IGSF9B: variants seen among roughly 807,000 people sequenced by gnomAD.
IGSF9B encodes the protein protein turtle homolog B.
Under a neutral mutation model 143.7 loss-of-function variants are expected in IGSF9B, and 48 were observed. The observed-to-expected ratio is 0.33, with a 90% CI of 0.26 to 0.42. IGSF9B has a LOEUF of 0.42. Ranked by LOEUF, IGSF9B falls within the 20% of genes least tolerant of loss-of-function variation. The pLI, the probability that IGSF9B is intolerant of heterozygous loss-of-function variation, is 1.00. For synonymous variants in IGSF9B, 903 were observed against 833.1 expected (o/e 1.08, Z -1.44); for missense variants, 1,706 against 1,980.0 (o/e 0.86, Z 2.63).
At chr11:133,922,324 G>T in intron 16 of IGSF9B, 102 bp from the exon 17 acceptor site, 1 of 1,167,654 alleles carries the variant, frequency 8.6e-7, no homozygotes, top group Non-Finnish European at 1.3e-6. Flanking sequence ...ACCGCACAGG[G>T]AAGGAGCTGC....
rs1939492267 is a variant in IGSF9B, at chr11:133,920,163, C to T, written c.3562G>A (p.Glu1188Lys). The T allele has an allele frequency of 6.6e-7, 1 of 1,508,334 alleles. No homozygotes were observed. Among genetic ancestry groups the T allele is most frequent in the Non-Finnish European group, 8.9e-7 (1 of 1,128,334 alleles). The allele number at this position is 1,508,334 out of a possible 1,614,324, so 93.4% of individuals were successfully genotyped here. A position where few individuals can be genotyped will look rare whatever the true frequency, so the allele number is the denominator to read the frequency against. ...AGCACCACTTGATGTAAACTGGGCT[C>T]GGCGCGCCTGGCCTGCCGAGGGCTA... is the stretch of plus-strand genomic sequence containing the variant. ...RPSPRQARRA[E>K]PSLHQVVLQP... The change falls in exon 18 of 20, where the codon GAG (glutamate) becomes AAG (lysine). Residue 1188 changes from glutamate (E) to lysine (K), a missense_variant. Coordinates refer to ENST00000533871, the MANE Select transcript of IGSF9B (RefSeq NM_001277285.4).
At chr11:133,915,837 C>T (rs1386362120) in intron 18 of IGSF9B, among the ~76,000 whole-genome samples, 1 of 152,206 alleles carries the variant, frequency 6.6e-6, no homozygotes, top group East Asian at 1.9e-4. Flanking sequence ...GAGCAAACAC[C>T]ACCTGCCTGA....
chr11:133,929,660 G>A lies in IGSF9B; in HGVS notation c.1631+11C>T. The A allele has an allele frequency of 6.3e-7, 1 of 1,579,556 alleles. No individual in the cohort carries two copies. Among genetic ancestry groups the A allele is most frequent in the Non-Finnish European group, 8.7e-7 (1 of 1,148,494 alleles). On this transcript the variant is annotated intron_variant, in intron 12 of 19. Transcript: ENST00000533871. ...GCAAAGCATGCCGGGGTGACTCACA[G>A]AGGTCCGTACCAAACTGAGAATGTC...
chr11:133,955,151 C>G (rs1261100572), intron 1 of IGSF9B, among the ~76,000 whole-genome samples: 1 of 152,032 alleles, frequency 6.6e-6, no homozygotes. Flanking sequence ...GAGGAGGATG[C>G]GGGCATTGGA....
At chr11:133,930,804 G>C (rs575143981) in intron 11 of IGSF9B, among the ~76,000 whole-genome samples, 180 bp downstream of exon 11, 1 of 151,906 alleles carries the variant, frequency 6.6e-6, no homozygotes, top group Non-Finnish European at 1.5e-5. Flanking sequence ...GCCCTTCCCC[G>C]ACAGAGCCCA....
chr11:133,925,885 C>G lies in IGSF9B; in HGVS notation c.1888G>C (p.Val630Leu), dbSNP rs1220406014. Residue 630 changes from valine (V) to leucine (L), a missense_variant, in exon 14 of 20, where the codon GTG becomes CTG. By Grantham distance (32) the Val-to-Leu change is conservative. Coordinates refer to ENST00000533871, the MANE Select transcript of IGSF9B (RefSeq NM_001277285.4). ...CLIANRTQQG[V>L]LLSWLPPANH... Reference sequence around the variant, plus strand: ...GCAGGCGGAAGCCAGGACAGGAGCACACCCTGCTGAGTCCGATTGGCTATG... The same window carrying G: ...GCAGGCGGAAGCCAGGACAGGAGCAGACCCTGCTGAGTCCGATTGGCTATG... The G allele has an allele frequency of 2.5e-6, 4 of 1,612,920 alleles. No homozygotes were observed. The highest frequency in any genetic ancestry group is 3.4e-6 in the Non-Finnish European group (4 of 1,179,532).
Position 133,919,780 on chromosome 11 carries a change from G to C in IGSF9B, c.3945C>G (p.Leu1315=), listed in dbSNP as rs114024983. The part of the protein sequence containing the change: ...PSPRRTGEEL[L]RPETPPPTLP... ...ACGTGGGTGGTGGGGTCTCCGGTCG[G>C]AGCAATTCCTCCCCCGTCCTTCGAG... is the stretch of plus-strand genomic sequence containing the variant. Residue 1315 remains leucine, a synonymous_variant, in exon 18 of 20, where the codon CTC becomes CTG. Coordinates refer to ENST00000533871, the MANE Select transcript of IGSF9B (RefSeq NM_001277285.4). 1.6e-3 allele frequency: 2,318 copies of C among 1,494,276 alleles called. 24 individuals carry two copies. In the African/African-American group the frequency reaches 0.029, roughly 19 times the overall value. The allele number at this position is 1,494,276 out of a possible 1,614,324, so 92.6% of individuals were successfully genotyped here. A position where few individuals can be genotyped will look rare whatever the true frequency, so the allele number is the denominator to read the frequency against.
At position 133,918,591 on chromosome 11, in the gene IGSF9B, G is replaced by C. The variant is rs560459885; in HGVS notation, c.3983+1151C>G. Among the ~76,000 whole-genome samples the C allele has an allele frequency of 4.1e-3, 621 of 152,156 alleles. 5 individuals carry two copies. The highest frequency in any genetic ancestry group is 6.8e-3 in the Non-Finnish European group (461 of 67,992). On this transcript the variant is annotated intron_variant, in intron 18 of 19. Coordinates refer to ENST00000533871, the MANE Select transcript of IGSF9B (RefSeq NM_001277285.4). The stretch of plus-strand genomic sequence containing the variant: ...AGCCCCGCACCCCCTTCCTCGGCCG[G>C]CCCCGGAGCAGCCCGCGGTGGGGCT...
In IGSF9B at chr11:133,908,037, G is replaced by A. The variant is rs529797039; in HGVS notation, c.*1032C>T. Among the ~76,000 whole-genome samples the A allele has an allele frequency of 1.8e-4, 27 of 152,240 alleles. No homozygotes were observed. The highest frequency in any genetic ancestry group is 2.8e-4 in the Non-Finnish European group (19 of 68,044). ...ACAGCACTGCACAGAGTGCTGAGCC[G>A]GGGACGGTATAAATAGAGCCGGCAG... On this transcript the variant is annotated 3_prime_UTR_variant, in exon 20 of 20. Transcript: ENST00000533871.
rs1447876599 is a variant in IGSF9B at position 133,909,164 on chromosome 11, G to T, written c.4219C>A (p.Leu1407Ile). 3.3e-6 allele frequency: 5 copies of T among 1,535,954 alleles called. No homozygotes were observed. The highest frequency in any genetic ancestry group is 4.4e-6 in the Non-Finnish European group (5 of 1,146,752). The change falls in exon 20 of 20, where the codon CTC becomes ATC. Residue 1407 changes from leucine to isoleucine, a missense_variant. Around this residue, in one of 7 missense-constraint regions of IGSF9B, gnomAD observed 880 missense variants for 762.9 expected, o/e 1.15. Transcript: ENST00000533871. This position sits in a 1 kb window ranked among gnomAD's most constrained non-coding sequence, Gnocchi z 4.2. Reference protein sequence around the residue: ...RHSRPDPFARLSDLCHRQLPE... With the variant: ...RHSRPDPFARISDLCHRQLPE... Reference sequence around the variant, plus strand: ...AGCTGGCGGTGGCACAAGTCTGAGAGCCGGGCAAAGGGGTCAGGACGAGAA... The same window carrying T: ...AGCTGGCGGTGGCACAAGTCTGAGATCCGGGCAAAGGGGTCAGGACGAGAA...
In IGSF9B at chr11:133,928,831, A is replaced by C. The variant is rs961165168; in HGVS notation, c.1631+840T>G. ...TTGCGCAAAGACCTCATATGACTGC[A>C]TCTGGCTAAACTGACAACAGAGGAA... On this transcript the variant is annotated intron_variant, in intron 12 of 19. Coordinates refer to ENST00000533871, the MANE Select transcript of IGSF9B (RefSeq NM_001277285.4). The surrounding 1 kb of genome is among the most constrained non-coding windows in gnomAD (Gnocchi z 4.7). Among the ~76,000 whole-genome samples the C allele has an allele frequency of 6.6e-6, 1 of 152,222 alleles. No homozygotes were observed. The highest frequency in any genetic ancestry group is 6.5e-5 in the Admixed American group (1 of 15,290).
At chr11:133,922,838 G>T in intron 15 of IGSF9B, 108 bp from the exon 16 acceptor site, 1 of 1,090,646 alleles carries the variant, frequency 9.2e-7, no homozygotes, top group Non-Finnish European at 1.3e-6. Context: ...AACAGACAGT[G>T]TCAAGGCTCG....
chr11:133,935,289 G>C (rs1939802314), intron 7 of IGSF9B, among the ~76,000 whole-genome samples: 1 of 152,252 alleles, frequency 6.6e-6, no homozygotes, highest in African/African-American at 2.4e-5. Context: ...CTGATTCTGG[G>C]CACAGAGGTG....
intron 3 of IGSF9B, among the ~76,000 whole-genome samples, chr11:133,940,374 ACGTCCTCGCATG>A (rs1939923351): frequency 7.9e-6 from 1 of 126,706 alleles, no homozygotes; most frequent in East Asian, 2.8e-4. Flanking sequence ...CACACCTCGC[ACGTCCTCGCATG>A]CGTCATCGCA....
At chr11:133,912,071 C>A in intron 18 of IGSF9B, 64 bp from the exon 19 acceptor site, 1 of 1,476,544 alleles carries the variant, frequency 6.8e-7, no homozygotes. Context: ...GGAAGAGGGG[C>A]TGGAAGAAAG....
intron 1 of IGSF9B, among the ~76,000 whole-genome samples, chr11:133,947,991 C>T (rs1201278069): frequency 6.6e-6 from 1 of 151,898 alleles, no homozygotes; most frequent in Non-Finnish European, 1.5e-5. Flanking sequence ...CTAGCTCTTG[C>T]TCTGTGTGGG....
In IGSF9B at chr11:133,946,155, T is replaced by C; in HGVS notation, c.168A>G (p.Pro56=). ...ACTTGAACCACTCTACGACATAGGG[T>C]GGGGGCTGTCCCGTCACTGGGTGGA... ...DVIHPVTGQP[P]PYVVEWFKFG... Residue 56 remains proline, a synonymous_variant, in exon 2 of 20, where the codon CCA becomes CCG. Coordinates refer to ENST00000533871, the MANE Select transcript of IGSF9B (RefSeq NM_001277285.4). The C allele has an allele frequency of 6.2e-7, 1 of 1,613,000 alleles. No homozygotes were observed. Among genetic ancestry groups the C allele is most frequent in the Non-Finnish European group, 8.5e-7 (1 of 1,179,586 alleles).
rs890682039 is a variant in IGSF9B, at chr11:133,956,957, G to C, written c.-203C>G. The C allele has an allele frequency of 1.9e-5, 7 of 376,134 alleles. No homozygotes were observed. The highest frequency in any genetic ancestry group is 4.6e-5 in the Admixed American group (1 of 21,682). The allele number at this position is 376,134 out of a possible 1,614,324, so 23.3% of individuals were successfully genotyped here. A position where few individuals can be genotyped will look rare whatever the true frequency, so the allele number is the denominator to read the frequency against. On this transcript the variant is annotated 5_prime_UTR_variant, in exon 1 of 20. Coordinates refer to ENST00000533871, the MANE Select transcript of IGSF9B (RefSeq NM_001277285.4). Reference sequence around the variant, plus strand: ...CGCGCCTCCCCGGCCCCGGCGCAGCGGCACCTGCACTACTCGCCCGGGCGG... The same window carrying C: ...CGCGCCTCCCCGGCCCCGGCGCAGCCGCACCTGCACTACTCGCCCGGGCGG...
At chr11:133,949,131 T>G (rs1405197848) in intron 1 of IGSF9B, among the ~76,000 whole-genome samples, 5 of 152,076 alleles carry the variant, frequency 3.3e-5, no homozygotes, top group African/African-American at 9.7e-5. Flanking sequence ...AAAGACCCTT[T>G]CAACCAGGGA....
Sources: gnomAD v4.1 joint callset for allele counts (sites outside exome capture counted in the v4.1 genomes callset) on GRCh38, gnomAD v4.1.1 for gene constraint, gnomAD v4.1.1 regional missense constraint, Gnocchi (gnomAD v3.1) non-coding constraint, MANE v1.5 for transcripts, NCBI Gene and HGNC (gene_info 2026-07-23, HGNC 2026-07-21) for gene names.